Variants in FOXP1 observed in about 807,000 individuals in gnomAD.
The protein encoded by FOXP1 is forkhead box P1, also known as forkhead box protein P1.
In FOXP1, 15 loss-of-function variants were observed where a neutral mutation model predicts 98.2. The ratio of observed to expected loss-of-function variants is 0.15; its 90% confidence interval spans 0.10 to 0.24. The LOEUF is 0.24. Ranked by LOEUF, FOXP1 falls within the 10% of genes least tolerant of loss-of-function variation. The pLI, the probability that FOXP1 is intolerant of heterozygous loss-of-function variation, is 1.00. For synonymous variants in FOXP1, 371 were observed against 314.5 expected, an observed-to-expected ratio of 1.18 and a Z score of -1.90; for missense variants, 633 against 848.5, an observed-to-expected ratio of 0.75 and a Z score of 3.15.
chr3:71,164,922 G>C (rs376399908), intron 6 of FOXP1, among the ~76,000 whole-genome samples: 2 of 152,160 alleles, frequency 1.3e-5, no homozygotes, highest in East Asian at 3.9e-4. Context: ...AGAAAAAAGA[G>C]AGTAGTTAAG....
At chr3:71,009,569 T>A (rs1023252615) in intron 12 of FOXP1, among the ~76,000 whole-genome samples, 2 of 152,134 alleles carry the variant, frequency 1.3e-5, no homozygotes, top group African/African-American at 4.8e-5. Context: ...TTCGGATATA[T>A]CAATGCTTTG....
intron 6 of FOXP1, among the ~76,000 whole-genome samples, chr3:71,121,674 G>A (rs191280809): frequency 6.6e-6 from 1 of 152,148 alleles, no homozygotes; most frequent in Non-Finnish European, 1.5e-5. Flanking sequence ...TTTAGCTCAC[G>A]AGAGCTGACA....
intron 4 of FOXP1, among the ~76,000 whole-genome samples, chr3:71,305,364 G>C (rs533133538): frequency 6.6e-6 from 1 of 151,992 alleles, no homozygotes; most frequent in African/African-American, 2.4e-5. Flanking sequence ...CTTCCCTCCC[G>C]ACCGCCTCTC....
intron 5 of FOXP1, among the ~76,000 whole-genome samples, chr3:71,260,017 T>C (rs1378489626): frequency 6.6e-6 from 1 of 152,144 alleles, no homozygotes; most frequent in Non-Finnish European, 1.5e-5. Flanking sequence ...AGAGTCTCGC[T>C]CTCTCCCCCA....
At chr3:71,555,439 T>C (rs1049555999) in intron 2 of FOXP1, among the ~76,000 whole-genome samples, 5 of 152,200 alleles carry the variant, frequency 3.3e-5, no homozygotes, top group Admixed American at 6.5e-5. Context: ...CATGAAGAAA[T>C]AGGAACTGCA....
chr3:71,152,425 T>G (rs2060616033), intron 6 of FOXP1, among the ~76,000 whole-genome samples: 1 of 152,192 alleles, frequency 6.6e-6, no homozygotes. Flanking sequence ...TTTGAAGCTA[T>G]TAAGTTTGTG....
chr3:71,427,486 C>T (rs899264854), intron 3 of FOXP1, among the ~76,000 whole-genome samples: 8 of 152,140 alleles, frequency 5.3e-5, no homozygotes, highest in Admixed American at 1.3e-4. Context: ...CAGAAGGCCC[C>T]GGATGCCGGG....
intron 6 of FOXP1, among the ~76,000 whole-genome samples, chr3:71,165,953 T>C (rs555548885): frequency 1.9e-4 from 29 of 152,334 alleles, no homozygotes; most frequent in African/African-American, 7.0e-4. Context: ...TCTTTCACTT[T>C]GTATGAAGAC....
At chr3:71,151,660 A>ATTT (rs71104420) in intron 6 of FOXP1, among the ~76,000 whole-genome samples, 35,290 of 139,852 alleles carry the variant, frequency 0.25, 4,722 homozygotes, top group East Asian at 0.4. Flanking sequence ...TGTCTAAAAC[A>ATTT]TTTTTTTTTT....
intron 2 of FOXP1, among the ~76,000 whole-genome samples, chr3:71,507,770 G>T (rs2041930615): frequency 6.6e-6 from 1 of 151,970 alleles, no homozygotes; most frequent in Non-Finnish European, 1.5e-5. Flanking sequence ...GTAGAGATGG[G>T]GTTTCACCAT....
At chr3:71,298,449 A>G (rs1310759318) in intron 5 of FOXP1, among the ~76,000 whole-genome samples, 2 of 152,100 alleles carry the variant, frequency 1.3e-5, no homozygotes, top group Non-Finnish European at 2.9e-5. Flanking sequence ...TGGGCAACAG[A>G]GCGAAACTCC....
At chr3:71,543,457 C>T (rs1270056085) in intron 2 of FOXP1, 1 of 152,506 alleles carries the variant, frequency 6.6e-6, no homozygotes, top group African/African-American at 2.4e-5. Flanking sequence ...TCCTGCTGCA[C>T]AGTGGCTCTG....
chr3:71,118,317 A>G (rs1176990501), intron 6 of FOXP1, among the ~76,000 whole-genome samples: 1 of 152,210 alleles, frequency 6.6e-6, no homozygotes, highest in African/African-American at 2.4e-5. Flanking sequence ...GTTTTACATA[A>G]GCGTGTTTAC....
chr3:71,186,449 A>C (rs2062649257), intron 6 of FOXP1, among the ~76,000 whole-genome samples: 1 of 152,380 alleles, frequency 6.6e-6, no homozygotes, highest in Admixed American at 6.5e-5. Context: ...GCGGTGGCTC[A>C]CGCCTGTAAT....
At chr3:71,144,857 C>T (rs2060232892) in intron 6 of FOXP1, among the ~76,000 whole-genome samples, 1 of 152,174 alleles carries the variant, frequency 6.6e-6, no homozygotes, top group African/African-American at 2.4e-5. Context: ...CCACCCCTGG[C>T]CCCGGGCAAC....
intron 3 of FOXP1, among the ~76,000 whole-genome samples, chr3:71,368,715 A>G (rs988152533): frequency 3.3e-5 from 5 of 152,184 alleles, no homozygotes; most frequent in African/African-American, 1.2e-4. Context: ...CATTTATACA[A>G]GTCAGGCCCA....
chr3:71,501,487 G>C (rs188854365), intron 2 of FOXP1, among the ~76,000 whole-genome samples: 1 of 151,790 alleles, frequency 6.6e-6, no homozygotes, highest in Non-Finnish European at 1.5e-5. Flanking sequence ...TAGAAAGAGG[G>C]TTTCACCATG....
intron 3 of FOXP1, among the ~76,000 whole-genome samples, chr3:71,434,646 G>GTGTC (rs1023624639): frequency 6.6e-6 from 1 of 151,674 alleles, no homozygotes; most frequent in Non-Finnish European, 1.5e-5. Context: ...GTGTGTGTGT[G>GTGTC]TGTGTGTGTG....
intron 5 of FOXP1, among the ~76,000 whole-genome samples, chr3:71,280,596 T>C (rs1179792845): frequency 6.6e-6 from 1 of 152,136 alleles, no homozygotes; most frequent in Non-Finnish European, 1.5e-5. Context: ...AGTGCTGGGA[T>C]TACAGGTGTG....
Sources: gnomAD v4.1 joint callset for allele counts (sites outside exome capture counted in the v4.1 genomes callset) on GRCh38, gnomAD v4.1.1 for gene constraint, MANE v1.5 for transcripts, NCBI Gene and HGNC (gene_info 2026-07-23, HGNC 2026-07-21) for gene names.